ABCB11: variants seen among roughly 807,000 people sequenced by gnomAD.
ABCB11 encodes the protein ATP binding cassette subfamily B member 11.
ABCB11 carries 95 observed loss-of-function variants against 148.0 expected under a neutral mutation model. The ratio of observed to expected loss-of-function variants is 0.64; its 90% CI spans 0.54 to 0.76. ABCB11 has a LOEUF of 0.76. Ranked by LOEUF, ABCB11 falls within the 30% of genes least tolerant of loss-of-function variation. The pLI, the probability that ABCB11 is intolerant of heterozygous loss-of-function variation, is 0.00. For synonymous variants in ABCB11, 591 were observed against 555.4 expected (o/e 1.06, Z -0.90); for missense variants, 1,523 against 1,617.8 (o/e 0.94, Z 1.01).
chr2:168,997,827 T>C (rs571172537), intron 5 of ABCB11, among the ~76,000 whole-genome samples: 1 of 152,210 alleles, frequency 6.6e-6, no homozygotes, highest in South Asian at 2.1e-4. Flanking sequence ...TTTATGCTTG[T>C]CTTGCTAGTA....
intron 14 of ABCB11, among the ~76,000 whole-genome samples, chr2:168,971,286 G>A (rs10184673): frequency 0.55 from 84,052 of 151,776 alleles, 23,601 homozygotes; most frequent in Non-Finnish European, 0.6. Context: ...AACCGTATAC[G>A]TGTTAACCCT....
chr2:168,922,510 C>G lies in ABCB11; in HGVS notation c.*1112G>C, dbSNP rs1691111246. 6.6e-6 allele frequency among the ~76,000 whole-genome samples: 1 copy of G among 152,168 alleles called. No individual in the cohort carries two copies. The highest frequency in any genetic ancestry group is 2.4e-5 in the African/African-American group (1 of 41,448). On this transcript the variant is annotated 3_prime_UTR_variant, in exon 28 of 28. Transcript: ENST00000650372. ...GATCCAGTGTTTTTACATCTTGAAA[C>G]TTTCTAGGGGTCTGTGGTACAAAAC...
At chr2:168,937,092 G>T (rs146046950) in intron 21 of ABCB11, among the ~76,000 whole-genome samples, 1 of 151,722 alleles carries the variant, frequency 6.6e-6, no homozygotes, top group South Asian at 2.1e-4. Flanking sequence ...TCACTATGTT[G>T]CCCAGGCTGG....
chr2:168,936,789 C>G (rs547093614), intron 21 of ABCB11, among the ~76,000 whole-genome samples: 5 of 152,282 alleles, frequency 3.3e-5, no homozygotes, highest in African/African-American at 9.6e-5. Context: ...CAATATTTTT[C>G]CTTCTGTGTC....
At chr2:168,988,279 C>T (rs1694396300) in intron 9 of ABCB11, among the ~76,000 whole-genome samples, 2 of 152,060 alleles carry the variant, frequency 1.3e-5, no homozygotes, top group Admixed American at 6.6e-5. Flanking sequence ...CGCCTGCCCC[C>T]TCCCACCTCA....
intron 19 of ABCB11, among the ~76,000 whole-genome samples, chr2:168,950,526 T>C (rs1446899268): frequency 6.6e-6 from 1 of 151,786 alleles, no homozygotes; most frequent in Non-Finnish European, 1.5e-5. Flanking sequence ...TACATGTCTA[T>C]GATGATTAGT....
intron 5 of ABCB11, among the ~76,000 whole-genome samples, chr2:169,003,951 T>C (rs1175013042): frequency 6.6e-6 from 1 of 152,198 alleles, no homozygotes; most frequent in Non-Finnish European, 1.5e-5. Context: ...CTGATAATTG[T>C]TTTGGTTAAT....
intron 5 of ABCB11, among the ~76,000 whole-genome samples, chr2:168,999,283 T>C (rs2106021212): frequency 6.6e-6 from 1 of 152,146 alleles, no homozygotes; most frequent in East Asian, 1.9e-4. Flanking sequence ...TTTTACCTTT[T>C]TTTTTTTCAT....
At position 169,016,839 on chromosome 2, in the gene ABCB11, A is replaced by G. The variant is rs1213498333; in HGVS notation, c.77-40T>C. On this transcript the variant is annotated intron_variant, in intron 2 of 27. Coordinates refer to ENST00000650372, the MANE Select transcript of ABCB11 (RefSeq NM_003742.4). ...AATCAACGCAAAAAAGCAGTTAATA[A>G]TAATGACAAAATGCAACGCAGTCAT... The G allele has an allele frequency of 2.7e-6, 4 of 1,506,712 alleles. No individual in the cohort carries two copies. In the South Asian group the frequency reaches 3.7e-5, roughly 14 times the overall value. The allele number at this position is 1,506,712 out of a possible 1,614,324, so 93.3% of individuals were successfully genotyped here. A position where few individuals can be genotyped will look rare whatever the true frequency, so the allele number is the denominator to read the frequency against.
chr2:168,947,766 C>T (rs981973389), intron 19 of ABCB11, among the ~76,000 whole-genome samples: 3 of 151,646 alleles, frequency 2.0e-5, no homozygotes, highest in African/African-American at 7.3e-5. Context: ...AGAACAAGAA[C>T]GACGAGTAGA....
At position 168,935,265 on chromosome 2, in the gene ABCB11, A is replaced by C; in HGVS notation, c.2975T>G (p.Met992Arg). 6.2e-7 allele frequency: 1 copy of C among 1,614,002 alleles called. No homozygotes were observed. The highest frequency in any genetic ancestry group is 8.5e-7 in the Non-Finnish European group (1 of 1,179,892). The change falls in exon 23 of 28, where the codon ATG becomes AGG. Residue 992 changes from methionine to arginine, a missense_variant. Transcript: ENST00000650372. ...GTAGGAAGCAGAATTCGCAATAAAC[A>C]TGATGCACTGGGCAAAGGCAAAGCA... is the stretch of plus-strand genomic sequence containing the variant. Reference protein sequence around the residue: ...GFCFAFAQCIMFIANSASYRY... With the variant: ...GFCFAFAQCIRFIANSASYRY...
intron 19 of ABCB11, among the ~76,000 whole-genome samples, chr2:168,945,412 T>C (rs536336866): frequency 1.3e-5 from 2 of 152,054 alleles, no homozygotes; most frequent in South Asian, 4.1e-4. Context: ...TGAAAACCAA[T>C]GGTGATGACT....
intron 5 of ABCB11, among the ~76,000 whole-genome samples, chr2:168,999,933 T>C (rs1244407546): frequency 2.0e-5 from 3 of 152,126 alleles, no homozygotes; most frequent in Non-Finnish European, 4.4e-5. Context: ...ATGGTTTGAA[T>C]GGCATGAGTG....
In ABCB11 at chr2:168,990,854, A is replaced by G; in HGVS notation, c.855T>C (p.Ile285=). ...AKAGVVADEV[I]SSMRTVAAFG... ...AAGCAGCCACTGTTCTCATTGATGA[A>G]ATGACTTCATCAGCCACCACCCCTG... Residue 285 remains isoleucine, a synonymous_variant, in exon 9 of 28, where the codon ATT becomes ATC. Coordinates refer to ENST00000650372, the MANE Select transcript of ABCB11 (RefSeq NM_003742.4). The G allele has an allele frequency of 6.2e-7, 1 of 1,613,266 alleles. No homozygotes were observed. Among genetic ancestry groups the G allele is most frequent in the Non-Finnish European group, 8.5e-7 (1 of 1,179,398 alleles).
Position 169,003,443 on chromosome 2 carries a change from A to G in ABCB11, c.390-6721T>C, listed in dbSNP as rs544398010. On this transcript the variant is annotated intron_variant, in intron 5 of 27. Coordinates refer to ENST00000650372, the MANE Select transcript of ABCB11 (RefSeq NM_003742.4). ...TATATTACATATATATCATATCTGT[A>G]TCATACGTAATATATATATTACATT... Among the ~76,000 whole-genome samples, 17 of 150,704 alleles carry G rather than the reference A, an allele frequency of 1.1e-4. No homozygotes were observed. The South Asian group carries it at 3.5e-3, about 31-fold the overall frequency.
In ABCB11 at chr2:168,945,742, G is replaced by T. The variant is rs853787; in HGVS notation, c.2344-781C>A. On this transcript the variant is annotated intron_variant, in intron 19 of 27. Coordinates refer to ENST00000650372, the MANE Select transcript of ABCB11 (RefSeq NM_003742.4). ...TCAAAGTTGTATTAATATTTTGACCGATATCTTTCTCTATTACTAAATGAA... is the reference window on the plus strand; with the variant it reads ...TCAAAGTTGTATTAATATTTTGACCTATATCTTTCTCTATTACTAAATGAA... Among the ~76,000 whole-genome samples the T allele has an allele frequency of 0.74, 111,832 of 151,738 alleles. 41,915 individuals carry two copies. Among genetic ancestry groups the T allele is most frequent in the East Asian group, 0.96 (4,925 of 5,130 alleles).
At chr2:169,018,199 C>T in intron 1 of ABCB11, 47 bp from the exon 2 acceptor site, 5 of 1,521,130 alleles carry the variant, frequency 3.3e-6, no homozygotes, top group Non-Finnish European at 4.5e-6. Flanking sequence ...TCTCTTCTTT[C>T]TTCTTTAATC....
intron 10 of ABCB11, among the ~76,000 whole-genome samples, chr2:168,985,342 TC>T (rs1373564596): frequency 6.6e-6 from 1 of 152,088 alleles, no homozygotes; most frequent in Non-Finnish European, 1.5e-5. Flanking sequence ...GTATGGAAAT[TC>T]CTTAAAGAAC....
chr2:168,944,916 C>A lies in ABCB11; in HGVS notation c.2389G>T (p.Gly797Cys). The A allele has an allele frequency of 1.3e-6, 2 of 1,573,292 alleles. No homozygotes were observed. The highest frequency in any genetic ancestry group is 1.8e-5 in the Admixed American group (1 of 54,560). Residue 797 changes from glycine (G) to cysteine (C), a missense_variant, in exon 20 of 28, where the codon GGT (glycine) becomes TGT (cysteine). Physicochemically the swap from Gly to Cys is radical, Grantham distance 159 (BLOSUM62 -3). Coordinates refer to ENST00000650372, the MANE Select transcript of ABCB11 (RefSeq NM_003742.4). ...ATTGCTACAAAAAGTAGGCACACACCATTGATCTGTGACCTTTGTTCCTCT... is the reference window on the plus strand; with the variant it reads ...ATTGCTACAAAAAGTAGGCACACACAATTGATCTGTGACCTTTGTTCCTCT... ...DKEEQRSQIN[G>C]VCLLFVAMGC...
Sources: allele counts gnomAD v4.1 joint callset (sites outside exome capture counted in the v4.1 genomes callset), GRCh38; gene constraint gnomAD v4.1.1; transcripts MANE v1.5; gene names NCBI Gene and HGNC (gene_info 2026-07-23, HGNC 2026-07-21).